Variants in CEMIP observed in about 807,000 individuals in gnomAD.
CEMIP encodes the protein cell migration inducing hyaluronidase 1, also known as cell migration-inducing and hyaluronan-binding protein.
In CEMIP, 105 loss-of-function variants were observed where a neutral mutation model predicts 156.9. The observed-to-expected ratio is 0.67, with a 90% confidence interval of 0.57 to 0.79. The LOEUF is 0.79. Ranked by LOEUF, CEMIP falls within the 30% of genes least tolerant of loss-of-function variation. The pLI is 0.00. For missense variants in CEMIP, 1,457 were observed against 1,769.4 expected (o/e 0.82, Z 3.17); for synonymous variants, 676 against 668.4 (o/e 1.01, Z -0.17).
intron 1 of CEMIP, among the ~76,000 whole-genome samples, chr15:80,860,948 C>T (rs150848502): frequency 6.6e-6 from 1 of 152,230 alleles, no homozygotes; most frequent in African/African-American, 2.4e-5. Context: ...TGCTCCAATG[C>T]CACCTTATCA....
At chr15:80,813,111 A>G (rs765414109) in intron 1 of CEMIP, among the ~76,000 whole-genome samples, 2 of 152,236 alleles carry the variant, frequency 1.3e-5, no homozygotes, top group East Asian at 1.9e-4. Context: ...ATGAGGAATG[A>G]AAACAAGAGC....
intron 1 of CEMIP, among the ~76,000 whole-genome samples, chr15:80,866,915 C>T (rs1898145038): frequency 1.3e-5 from 2 of 152,062 alleles, no homozygotes; most frequent in Non-Finnish European, 2.9e-5. Context: ...GTCCTCCCCT[C>T]TCTCGCCTTT....
At chr15:80,871,781 C>T (rs563806944) in intron 1 of CEMIP, among the ~76,000 whole-genome samples, 9 of 152,338 alleles carry the variant, frequency 5.9e-5, no homozygotes, top group African/African-American at 2.2e-4. Flanking sequence ...CCATAATATG[C>T]TCCTATTCCT....
At chr15:80,925,842 G>T in intron 19 of CEMIP, 87 bp downstream of exon 19, 1 of 1,523,806 alleles carries the variant, frequency 6.6e-7, no homozygotes. Flanking sequence ...GAGCAAAGCA[G>T]AGAGGGGAAG....
At position 80,832,322 on chromosome 15, in the gene CEMIP, C is replaced by CTCTGTGTGTGTGTGTGTGTGTG. The variant is rs1555429057; in HGVS notation, c.-175-41215_-175-41214insCTGTGTGTGTGTGTGTGTGTGT. Among the ~76,000 whole-genome samples the CTCTGTGTGTGTGTGTGTGTGTG allele has an allele frequency of 5.9e-4, 76 of 128,080 alleles. 1 individual carries two copies. Among genetic ancestry groups the CTCTGTGTGTGTGTGTGTGTGTG allele is most frequent in the Non-Finnish European group, 5.7e-4 (35 of 60,992 alleles). The allele number at this position is 128,080 out of a possible 152,430, so 84.0% of individuals were successfully genotyped here. A position where few individuals can be genotyped will look rare whatever the true frequency, so the allele number is the denominator to read the frequency against. ...CTGGAGCTTTGGTTTAAAATAAACT[C>CTCTGTGTGTGTGTGTGTGTGTG]TGTGTGTGTGTGTGTGTGTGTGTGT... On this transcript the variant is annotated intron_variant, in intron 1 of 29. Transcript: ENST00000394685.
At chr15:80,898,070 G>T (rs1899306396) in intron 12 of CEMIP, among the ~76,000 whole-genome samples, 1 of 152,242 alleles carries the variant, frequency 6.6e-6, no homozygotes, top group Non-Finnish European at 1.5e-5. Flanking sequence ...GCTATTTGCA[G>T]TTTGACTCCT....
At chr15:80,840,867 G>C (rs1897395591) in intron 1 of CEMIP, among the ~76,000 whole-genome samples, 1 of 152,206 alleles carries the variant, frequency 6.6e-6, no homozygotes, top group Non-Finnish European at 1.5e-5. Context: ...TCAAGAAATA[G>C]GCAGGCTTGG....
chr15:80,801,183 A>T (rs1445263253), intron 1 of CEMIP, among the ~76,000 whole-genome samples: 1 of 152,202 alleles, frequency 6.6e-6, no homozygotes, highest in Non-Finnish European at 1.5e-5. Context: ...ATTGCTGTGT[A>T]ATAAACCACC....
At chr15:80,879,225 C>T (rs1282987155) in intron 4 of CEMIP, among the ~76,000 whole-genome samples, 4 of 152,188 alleles carry the variant, frequency 2.6e-5, no homozygotes, top group Admixed American at 6.5e-5. Context: ...AAAGTAATTA[C>T]AGCCAGCCAT....
chr15:80,942,271 G>A lies in CEMIP; in HGVS notation c.3633G>A (p.Leu1211=). 1 of 1,614,096 alleles carries A rather than the reference G, an allele frequency of 6.2e-7. No homozygotes were observed. The highest frequency in any genetic ancestry group is 1.7e-5 in the Admixed American group (1 of 60,020). ...TCCAGAAAACAAAGGACCATTTCTTGGAGGTGAAGATGGAGAGTTCCAAGC... is the reference window on the plus strand; with the variant it reads ...TCCAGAAAACAAAGGACCATTTCTTAGAGGTGAAGATGGAGAGTTCCAAGC... ...GSQLKTKDHF[L]EVKMESSKQH... Residue 1211 remains leucine (L), a synonymous_variant, in exon 27 of 30, where the codon TTG becomes TTA. Coordinates refer to ENST00000394685, the MANE Select transcript of CEMIP (RefSeq NM_001293298.2).
intron 1 of CEMIP, among the ~76,000 whole-genome samples, chr15:80,819,899 A>G (rs1315753896): frequency 6.6e-6 from 1 of 152,206 alleles, no homozygotes; most frequent in East Asian, 1.9e-4. Flanking sequence ...TCACTTGGTC[A>G]CAATAGGACA....
At chr15:80,833,640 G>C (rs1346450151) in intron 1 of CEMIP, among the ~76,000 whole-genome samples, 1 of 150,692 alleles carries the variant, frequency 6.6e-6, no homozygotes, top group Admixed American at 6.6e-5. Context: ...ATCATCATTT[G>C]TAGTAGGAGC....
rs530463470 is a variant in CEMIP at position 80,882,245 on chromosome 15, G to A, written c.617+1109G>A. Among the ~76,000 whole-genome samples the A allele has an allele frequency of 7.0e-4, 107 of 152,282 alleles. 1 individual carries two copies. In the South Asian group the frequency reaches 0.02, roughly 28 times the overall value. On this transcript the variant is annotated intron_variant, in intron 6 of 29. Coordinates refer to ENST00000394685, the MANE Select transcript of CEMIP (RefSeq NM_001293298.2). ...ATAACAGTCACTGGACTTTCTCCCC[G>A]TAAAACACTGTTCATCACTTTACCT...
At chr15:80,894,392 T>C (rs904662045) in intron 10 of CEMIP, among the ~76,000 whole-genome samples, 15 of 152,210 alleles carry the variant, frequency 9.9e-5, no homozygotes, top group Non-Finnish European at 1.8e-4. Flanking sequence ...AGCAGCCTCA[T>C]AGTTTTGCTA....
chr15:80,866,377 G>A (rs1017331150), intron 1 of CEMIP, among the ~76,000 whole-genome samples: 1 of 152,044 alleles, frequency 6.6e-6, no homozygotes, highest in African/African-American at 2.4e-5. Context: ...ATCACTTGAA[G>A]TCAGGAGTTC....
At chr15:80,788,409 T>G (rs1333194431) in intron 1 of CEMIP, among the ~76,000 whole-genome samples, 1 of 145,660 alleles carries the variant, frequency 6.9e-6, no homozygotes, top group Non-Finnish European at 1.5e-5. Flanking sequence ...AGGTGGAAGT[T>G]GCAGTGAGCT....
intron 1 of CEMIP, among the ~76,000 whole-genome samples, chr15:80,830,003 C>T (rs75020038): frequency 0.58 from 75,787 of 131,346 alleles, 19,372 homozygotes; most frequent in East Asian, 0.66. Flanking sequence ...TGTGTGTGTG[C>T]GCGCATGTCC....
chr15:80,941,613 C>T (rs373066334), intron 25 of CEMIP, among the ~76,000 whole-genome samples: 3 of 152,308 alleles, frequency 2.0e-5, no homozygotes, highest in African/African-American at 2.4e-5. Context: ...GTGTGCACGG[C>T]GTGGCACATA....
intron 1 of CEMIP, among the ~76,000 whole-genome samples, chr15:80,871,533 A>C (rs767334319): frequency 3.8e-4 from 58 of 152,126 alleles, no homozygotes; most frequent in Admixed American, 7.2e-4. Flanking sequence ...CACAGAAGGA[A>C]ATGTCTTAAT....
Sources: gnomAD v4.1 joint callset for allele counts (sites outside exome capture counted in the v4.1 genomes callset) on GRCh38, gnomAD v4.1.1 for gene constraint, MANE v1.5 for transcripts, NCBI Gene and HGNC (gene_info 2026-07-23, HGNC 2026-07-21) for gene names.